Variants in ARHGEF11 observed in about 807,000 individuals in gnomAD.
ARHGEF11 encodes the protein Rho guanine nucleotide exchange factor 11, also known as Rho guanine exchange factor (GEF) 11.
A neutral mutation model predicts 193.7 loss-of-function variants in ARHGEF11; 55 were observed. The observed-to-expected ratio is 0.28, with a 90% CI of 0.23 to 0.36. The LOEUF (loss-of-function observed/expected upper bound fraction) is 0.36, where lower values mean the gene tolerates loss of function less well. Ranked by LOEUF, ARHGEF11 falls within the 10% of genes least tolerant of loss-of-function variation. The pLI is 1.00. For synonymous variants in ARHGEF11, 693 were observed against 768.0 expected, an observed-to-expected ratio of 0.90 and a Z score of 1.62; for missense variants, 1,723 against 2,005.6, an observed-to-expected ratio of 0.86 and a Z score of 2.69.
intron 1 of ARHGEF11, among the ~76,000 whole-genome samples, chr1:157,008,406 GCACACACACA>G (rs60934928): frequency 4.7e-5 from 7 of 149,120 alleles, no homozygotes; most frequent in Non-Finnish European, 7.4e-5. Flanking sequence ...TTGCACGCAC[GCACACACACA>G]CACACACACA....
Position 157,014,485 on chromosome 1 carries a change from G to A in ARHGEF11, c.33-28312C>T, listed in dbSNP as rs185432444. 2.8e-4 allele frequency among the ~76,000 whole-genome samples: 42 copies of A among 151,834 alleles called. No individual in the cohort carries two copies. In the East Asian group the frequency reaches 6.0e-3, roughly 22 times the overall value. ...TGTAGTGGTGCCACTGTAGCTTACCGCAGCCTCAAACTCCTGGGCTAAAGT... is the reference window on the plus strand; with the variant it reads ...TGTAGTGGTGCCACTGTAGCTTACCACAGCCTCAAACTCCTGGGCTAAAGT... On this transcript the variant is annotated intron_variant, in intron 1 of 40. Coordinates refer to ENST00000368194, the MANE Select transcript of ARHGEF11 (RefSeq NM_198236.3).
chr1:156,979,510 G>T (rs1663810320), intron 4 of ARHGEF11, among the ~76,000 whole-genome samples: 1 of 151,830 alleles, frequency 6.6e-6, no homozygotes, highest in Admixed American at 6.6e-5. Context: ...GACTACAGGC[G>T]CCAGCCACCA....
intron 7 of ARHGEF11, among the ~76,000 whole-genome samples, chr1:156,976,590 T>G (rs1663293006): frequency 6.6e-6 from 1 of 152,202 alleles, no homozygotes; most frequent in East Asian, 1.9e-4. Flanking sequence ...GCACATCACT[T>G]CCTAGGCCTG....
At position 156,941,377 on chromosome 1, in the gene ARHGEF11, G is replaced by C. The variant is rs1656874492; in HGVS notation, c.3509C>G (p.Pro1170Arg). The C allele has an allele frequency of 6.2e-7, 1 of 1,613,524 alleles. No homozygotes were observed. The highest frequency in any genetic ancestry group is 2.2e-5 in the East Asian group (1 of 44,846). ...FHGEPEPEEL[P>R]GGTGSQQRVQ... The stretch of plus-strand genomic sequence containing the variant: ...GGACAGTTCAGGGCCCTTACCTCCA[G>C]GCAGCTCCTCAGGTTCAGGTTCACC... Residue 1170 changes from proline to arginine, a missense_variant, in exon 35 of 41, where the codon CCT (proline) becomes CGT (arginine). Physicochemically the swap from Pro to Arg is moderately radical, Grantham distance 103. Transcript: ENST00000368194.
chr1:157,039,689 TTTGAG>T (rs1672495855), intron 1 of ARHGEF11, among the ~76,000 whole-genome samples: 1 of 152,180 alleles, frequency 6.6e-6, no homozygotes, highest in Non-Finnish European at 1.5e-5. Flanking sequence ...GTGATATATC[TTTGAG>T]TTAAGCTTAA....
At chr1:156,999,259 G>A (rs1666921643) in intron 1 of ARHGEF11, among the ~76,000 whole-genome samples, 1 of 152,146 alleles carries the variant, frequency 6.6e-6, no homozygotes, top group South Asian at 2.1e-4. Context: ...GGAAAATGAG[G>A]TTCAGCTAAG....
At chr1:156,992,989 A>T (rs1235506620) in intron 1 of ARHGEF11, among the ~76,000 whole-genome samples, 1 of 152,228 alleles carries the variant, frequency 6.6e-6, no homozygotes, top group Non-Finnish European at 1.5e-5. Flanking sequence ...ACCCCATCAC[A>T]AATGTGTAAA....
intron 8 of ARHGEF11, 46 bp downstream of exon 8, chr1:156,971,651 G>C (rs1662497329): frequency 6.3e-7 from 1 of 1,586,548 alleles, no homozygotes; most frequent in African/African-American, 1.3e-5. Context: ...TCTACCCCCA[G>C]TTCTACTGCA....
chr1:156,945,278 T>A, intron 29 of ARHGEF11, 81 bp from the exon 30 acceptor site: 1 of 1,484,826 alleles, frequency 6.7e-7, no homozygotes. Context: ...TGCCTATTCA[T>A]CCATGGCAGC....
intron 13 of ARHGEF11, among the ~76,000 whole-genome samples, chr1:156,962,906 A>AC (rs1661156399): frequency 6.6e-6 from 1 of 150,876 alleles, no homozygotes; most frequent in Admixed American, 6.6e-5. Context: ...AAAAAAAAAA[A>AC]AACTCTAGGA....
rs564787518 is a variant in ARHGEF11 at position 156,963,731 on chromosome 1, C to T, written c.964-137G>A. On this transcript the variant is annotated intron_variant, in intron 11 of 40. Transcript: ENST00000368194. Reference sequence around the variant, plus strand: ...CTGGTGAACGTTGGCATCTCACTCCCGCCCCCAAAATCAGAGCACAGATGA... The same window carrying T: ...CTGGTGAACGTTGGCATCTCACTCCTGCCCCCAAAATCAGAGCACAGATGA... 135 of 1,471,620 alleles carry T rather than the reference C, an allele frequency of 9.2e-5. 1 individual carries two copies. The East Asian group carries it at 1.9e-3, about 21-fold the overall frequency. 91.2% of individuals were successfully genotyped at this position (1,471,620 alleles called of 1,614,324 possible). A position where few individuals can be genotyped will look rare whatever the true frequency, so the allele number is the denominator to read the frequency against.
intron 1 of ARHGEF11, among the ~76,000 whole-genome samples, chr1:157,011,372 A>T (rs1456981009): frequency 6.6e-6 from 1 of 152,216 alleles, no homozygotes. Flanking sequence ...ACCTAACTGT[A>T]AAACTCTTAG....
rs5778015 is a variant in ARHGEF11 at position 156,944,448 on chromosome 1, CCATTCATTCATT to C, written c.2992-27_2992-16del. ...AGATCCAGGCTCTGTTAAGGAGACA[CCATTCATTCATT>C]CATTCATTCATTCATTCATTCAAGT... On this transcript the variant is annotated splice_polypyrimidine_tract_variant and intron_variant, in intron 30 of 40. Coordinates refer to ENST00000368194, the MANE Select transcript of ARHGEF11 (RefSeq NM_198236.3). The C allele has an allele frequency of 2.8e-4, 422 of 1,504,022 alleles. No individual in the cohort carries two copies. The highest frequency in any genetic ancestry group is 3.2e-4 in the Non-Finnish European group (346 of 1,084,168). 93.2% of individuals were successfully genotyped at this position (1,504,022 alleles called of 1,614,324 possible). A position where few individuals can be genotyped will look rare whatever the true frequency, so the allele number is the denominator to read the frequency against.
Position 156,948,096 on chromosome 1 carries a change from C to T in ARHGEF11, c.2153+85G>A, listed in dbSNP as rs756805281. ...CCAGAAGAGGAGACAGCCACCCAAC[C>T]AGCCCCTTGCAGGTGAGAGGAGCAG... On this transcript the variant is annotated intron_variant, in intron 24 of 40. Transcript: ENST00000368194. This position sits in a 1 kb window ranked among gnomAD's most constrained non-coding sequence, Gnocchi z 4.2. The T allele has an allele frequency of 1.3e-6, 2 of 1,536,900 alleles. No individual in the cohort carries two copies. Among genetic ancestry groups the T allele is most frequent in the African/African-American group, 1.4e-5 (1 of 73,116 alleles).
At position 156,971,718 on chromosome 1, in the gene ARHGEF11, C is replaced by T; in HGVS notation, c.681G>A (p.Gln227=). 6.2e-7 allele frequency: 1 copy of T among 1,613,962 alleles called. No homozygotes were observed. Among genetic ancestry groups the T allele is most frequent in the Non-Finnish European group, 8.5e-7 (1 of 1,179,994 alleles). Reference sequence around the variant, plus strand: ...TCACCACTGAGCCACCAGTCTCCTGCTGGATCTTCAGCTGTAACTGAGTGA... The same window carrying T: ...TCACCACTGAGCCACCAGTCTCCTGTTGGATCTTCAGCTGTAACTGAGTGA... ...RRVTQLQLKI[Q]QETGGSVDIL... The change falls in exon 8 of 41, where the codon CAG becomes CAA. Residue 227 remains glutamine, a synonymous_variant. Coordinates refer to ENST00000368194, the MANE Select transcript of ARHGEF11 (RefSeq NM_198236.3).
In ARHGEF11 at chr1:156,991,710, A is replaced by ATTTTTTTTT. The variant is rs57140356; in HGVS notation, c.33-5546_33-5538dup. 5.0e-4 allele frequency among the ~76,000 whole-genome samples: 42 copies of ATTTTTTTTT among 83,952 alleles called. 3 individuals carry two copies. Among genetic ancestry groups the ATTTTTTTTT allele is most frequent in the South Asian group, 1.3e-3 (3 of 2,234 alleles). 55.1% of individuals were successfully genotyped at this position (83,952 alleles called of 152,430 possible). A position where few individuals can be genotyped will look rare whatever the true frequency, so the allele number is the denominator to read the frequency against. On this transcript the variant is annotated intron_variant, in intron 1 of 40. Transcript: ENST00000368194. ...TTAGGGTTTTCTTTTTTTCAAGCTT[A>ATTTTTTTTT]TTTTTTTTTTTTTTTTTTTTTTTTG...
chr1:156,964,286 T>TG (rs1661397691), intron 11 of ARHGEF11, among the ~76,000 whole-genome samples: 1 of 152,256 alleles, frequency 6.6e-6, no homozygotes, highest in Admixed American at 6.5e-5. Context: ...GGACATGCCA[T>TG]GGATTAGGTA....
chr1:157,044,160 C>G, intron 1 of ARHGEF11, 139 bp downstream of exon 1: 3 of 781,332 alleles, frequency 3.8e-6, no homozygotes, highest in Non-Finnish European at 6.7e-6. Flanking sequence ...TGACAGTCCC[C>G]AGAGACTAAT....
At chr1:156,984,810 T>C (rs1007673281) in intron 2 of ARHGEF11, among the ~76,000 whole-genome samples, 7 of 151,986 alleles carry the variant, frequency 4.6e-5, no homozygotes, top group Non-Finnish European at 1.0e-4. Context: ...CTCCCAGGAT[T>C]GAAGCCCAAG....
Sources: allele counts gnomAD v4.1 joint callset (sites outside exome capture counted in the v4.1 genomes callset), GRCh38; gene constraint gnomAD v4.1.1; non-coding constraint Gnocchi (gnomAD v3.1); transcripts MANE v1.5; gene names NCBI Gene and HGNC (gene_info 2026-07-23, HGNC 2026-07-21).